APC: variants seen among roughly 807,000 people sequenced by gnomAD.
APC encodes APC regulator of Wnt signaling pathway, also known as adenomatous polyposis coli protein.
APC carries 72 observed loss-of-function variants against 247.0 expected under a neutral mutation model. That is an observed-to-expected ratio of 0.29 (90% CI 0.24 to 0.35). APC has a LOEUF of 0.35. APC is among the 10% of genes least tolerant of loss of function. The pLI is 1.00. For synonymous variants in APC, 1,254 were observed against 1,162.5 expected (o/e 1.08, Z -1.60); for missense variants, 3,400 against 3,360.7 (o/e 1.01, Z -0.29).
chr5:112,823,122 A>C (rs1248027980), intron 11 of APC, among the ~76,000 whole-genome samples: 1 of 152,218 alleles, frequency 6.6e-6, no homozygotes, highest in Non-Finnish European at 1.5e-5. Flanking sequence ...TTAAAATGCT[A>C]ATCATAACAG....
intron 1 of APC, among the ~76,000 whole-genome samples, chr5:112,722,714 A>G (rs559728870): frequency 2.0e-5 from 3 of 152,256 alleles, no homozygotes; most frequent in Admixed American, 6.5e-5. Flanking sequence ...ACTATAAAGC[A>G]TATTACAAGG....
At chr5:112,728,497 C>T (rs1751924567) in intron 1 of APC, among the ~76,000 whole-genome samples, 1 of 152,152 alleles carries the variant, frequency 6.6e-6, no homozygotes, top group Non-Finnish European at 1.5e-5. Flanking sequence ...AAATATTGGA[C>T]ATCCCTGGAA....
intron 1 of APC, among the ~76,000 whole-genome samples, chr5:112,739,661 G>A (rs1752759131): frequency 6.6e-6 from 1 of 152,144 alleles, no homozygotes; most frequent in South Asian, 2.1e-4. Context: ...TTGAGCCTTG[G>A]CGTTCAAGAC....
rs730881242 is a variant in APC at position 112,838,380 on chromosome 5, A to C, written c.2786A>C (p.His929Pro). ...GCACTTAGAAGAAGCTCTGCTGCCC[A>C]TACACATTCAAACACTTACAATTTC... ...RNALRRSSAA[H>P]THSNTYNFTK... Residue 929 changes from histidine to proline, a missense_variant, in exon 16 of 16, where the codon CAT becomes CCT. Around this residue, in one of 9 missense-constraint regions of APC, gnomAD observed 715 missense variants for 656.6 expected, o/e 1.09. Transcript: ENST00000257430. The C allele has an allele frequency of 1.9e-6, 3 of 1,614,208 alleles. No individual in the cohort carries two copies. In the South Asian group the frequency reaches 3.3e-5, roughly 18 times the overall value.
At chr5:112,793,274 T>C (rs1759843737) in intron 7 of APC, among the ~76,000 whole-genome samples, 1 of 152,054 alleles carries the variant, frequency 6.6e-6, no homozygotes, top group South Asian at 2.1e-4. Flanking sequence ...CCTTGTTTAA[T>C]TGAACGTGAG....
intron 14 of APC, 26 bp from the exon 15 acceptor site, chr5:112,834,925 A>G (rs1416725220): frequency 5.6e-6 from 9 of 1,593,244 alleles, no homozygotes; most frequent in Non-Finnish European, 7.8e-6. Flanking sequence ...CTCTAATTAG[A>G]TGACCCATAT....
intron 7 of APC, among the ~76,000 whole-genome samples, chr5:112,799,296 C>T (rs1289684362): frequency 1.3e-5 from 2 of 151,844 alleles, no homozygotes; most frequent in Non-Finnish European, 2.9e-5. Flanking sequence ...AGCAAAAAAC[C>T]TTCATCCTCC....
At chr5:112,753,143 T>G (rs773938762) in intron 1 of APC, among the ~76,000 whole-genome samples, 1 of 152,218 alleles carries the variant, frequency 6.6e-6, no homozygotes, top group Non-Finnish European at 1.5e-5. Flanking sequence ...ATTCAAATTC[T>G]GTCAGATCCC....
chr5:112,833,724 C>G (rs1441283936), intron 14 of APC, among the ~76,000 whole-genome samples: 2 of 152,046 alleles, frequency 1.3e-5, no homozygotes, highest in Admixed American at 6.5e-5. Context: ...TTAGGGAGTT[C>G]CAGGTTTTCA....
chr5:112,745,423 C>T (rs1198820668), intron 1 of APC, among the ~76,000 whole-genome samples: 1 of 151,990 alleles, frequency 6.6e-6, no homozygotes, highest in Non-Finnish European at 1.5e-5. Flanking sequence ...CATACTAAAA[C>T]TTGTGGAATG....
intron 1 of APC, among the ~76,000 whole-genome samples, chr5:112,753,227 A>T (rs759322505): frequency 6.6e-6 from 1 of 152,184 alleles, no homozygotes; most frequent in Admixed American, 6.5e-5. Context: ...AAACAAAATA[A>T]TGATCACTCC....
intron 2 of APC, among the ~76,000 whole-genome samples, chr5:112,757,829 G>A (rs1165723889): frequency 6.6e-6 from 1 of 152,176 alleles, no homozygotes; most frequent in African/African-American, 2.4e-5. Flanking sequence ...ATGTGTCTTT[G>A]TAGCAGCCAG....
intron 1 of APC, among the ~76,000 whole-genome samples, chr5:112,709,289 TATTTTTCCCTTTAC>T (rs1168296786): frequency 1.3e-5 from 2 of 152,258 alleles, no homozygotes; most frequent in African/African-American, 4.8e-5. Context: ...ACACATAATC[TATTTTTCCCTTTAC>T]TGTGGACTTT....
intron 2 of APC, among the ~76,000 whole-genome samples, chr5:112,755,957 A>C (rs1466722474): frequency 6.6e-6 from 1 of 152,060 alleles, no homozygotes; most frequent in Non-Finnish European, 1.5e-5. Flanking sequence ...AAAAAAAAAA[A>C]AATTACTTCC....
Position 112,748,148 on chromosome 5 carries a change from C to T in APC, c.-18-6725C>T, listed in dbSNP as rs113525128. On this transcript the variant is annotated intron_variant, in intron 1 of 15. Transcript: ENST00000257430. Reference sequence around the variant, plus strand: ...GGATGGGCATCTTGAGACCTGCCCACACGTGGTATGGGCTTGGATAGGTCT... The same window carrying T: ...GGATGGGCATCTTGAGACCTGCCCATACGTGGTATGGGCTTGGATAGGTCT... 5.1e-3 allele frequency among the ~76,000 whole-genome samples: 772 copies of T among 152,242 alleles called. 9 individuals are homozygous for T. Among genetic ancestry groups the T allele is most frequent in the African/African-American group, 0.018 (739 of 41,538 alleles).
At chr5:112,819,406 A>G (rs944260758) in intron 10 of APC, 62 bp downstream of exon 10, 1 of 1,604,308 alleles carries the variant, frequency 6.2e-7, no homozygotes, top group Non-Finnish European at 8.5e-7. Context: ...ATTTTTAAAC[A>G]GAAAACATGT....
At chr5:112,816,904 T>A (rs1762569374) in intron 9 of APC, among the ~76,000 whole-genome samples, 1 of 152,092 alleles carries the variant, frequency 6.6e-6, no homozygotes, top group Non-Finnish European at 1.5e-5. Flanking sequence ...AGTCTTGCTC[T>A]GTTGCCCAGG....
chr5:112,837,484 A>G (rs1283232586), intron 15 of APC, 69 bp from the exon 16 acceptor site: 20 of 1,170,864 alleles, frequency 1.7e-5, no homozygotes, highest in Non-Finnish European at 2.4e-5. Context: ...TTTGTCTTCT[A>G]TCCTTTTATT....
upstream of APC, among the ~76,000 whole-genome samples, chr5:112,735,733 A>T (rs1752348781): frequency 6.6e-6 from 1 of 152,186 alleles, no homozygotes; most frequent in Non-Finnish European, 1.5e-5. Context: ...TGGAATCTCT[A>T]AAAATAAGAA....
Sources: gnomAD v4.1 joint callset for allele counts (sites outside exome capture counted in the v4.1 genomes callset) on GRCh38, gnomAD v4.1.1 for gene constraint, gnomAD v4.1.1 regional missense constraint, MANE v1.5 for transcripts, NCBI Gene and HGNC (gene_info 2026-07-23, HGNC 2026-07-21) for gene names.